Variants in FXYD6 observed in about 807,000 individuals in gnomAD.
The protein encoded by FXYD6 is FXYD domain-containing ion transport regulator 6.
FXYD6 carries 7 observed loss-of-function variants against 16.7 expected under a neutral mutation model. That is an observed-to-expected ratio of 0.42 (90% CI 0.24 to 0.79). FXYD6 has a LOEUF of 0.79. Among genes scored for constraint, FXYD6 ranks in the 30% least tolerant of loss-of-function variants. FXYD6 has a pLI of 0.28. For missense variants in FXYD6, 111 were observed against 116.2 expected (o/e 0.95, Z 0.21); for synonymous variants, 49 against 43.0 (o/e 1.14, Z -0.54).
chr11:117,847,604 A>G (rs1454275116), intron 1 of FXYD6, among the ~76,000 whole-genome samples: 1 of 147,292 alleles, frequency 6.8e-6, no homozygotes, highest in Non-Finnish European at 1.5e-5. Flanking sequence ...ATGAGTGAGA[A>G]CATGCGGTGT....
In FXYD6 at chr11:117,864,653, C is replaced by T. The variant is rs1043524995; in HGVS notation, c.-6+11939G>A. On this transcript the variant is annotated intron_variant, in intron 1 of 7. Transcript: ENST00000526014. ...CCAGGCTGGAGTGCAACGGCTCAAT[C>T]TCGGCTGACTGCAACCTCCACCTCC... is the stretch of plus-strand genomic sequence containing the variant. 7.9e-5 allele frequency among the ~76,000 whole-genome samples: 12 copies of T among 152,216 alleles called. No individual in the cohort carries two copies. In the South Asian group the frequency reaches 1.5e-3, roughly 18 times the overall value.
chr11:117,875,531 T>C (rs1001054945), intron 1 of FXYD6, among the ~76,000 whole-genome samples: 8 of 152,078 alleles, frequency 5.3e-5, no homozygotes, highest in African/African-American at 9.7e-5. Flanking sequence ...AAAGGCTAAG[T>C]TGCGGACGTA....
intron 1 of FXYD6, chr11:117,844,216 A>T (rs908430374): frequency 1.3e-5 from 2 of 152,480 alleles, no homozygotes; most frequent in African/African-American, 4.8e-5. Context: ...CCTTGATTCA[A>T]AAAGCCTTTA....
At chr11:117,867,850 A>G (rs1591592282) in intron 1 of FXYD6, among the ~76,000 whole-genome samples, 1 of 152,192 alleles carries the variant, frequency 6.6e-6, no homozygotes, top group African/African-American at 2.4e-5. Context: ...AAAAAAAAAG[A>G]AAGAAAGAAA....
Position 117,838,041 on chromosome 11 carries a change from TCACACACACA to T in FXYD6, c.*248_*257del, listed in dbSNP as rs57385031. 6.8e-6 allele frequency: 4 copies of T among 591,022 alleles called. No individual in the cohort carries two copies. Among genetic ancestry groups the T allele is most frequent in the East Asian group, 2.9e-5 (1 of 34,556 alleles). The allele number at this position is 591,022 out of a possible 1,614,324, so 36.6% of individuals were successfully genotyped here. ...GACCACAGTTAGCAAACACACACAG[TCACACACACA>T]CACACACACACACACATCACGGGAG... On this transcript the variant is annotated 3_prime_UTR_variant, in exon 8 of 8. Coordinates refer to ENST00000526014, the MANE Select transcript of FXYD6 (RefSeq NM_022003.4).
At chr11:117,859,206 G>A (rs1329236087) in intron 1 of FXYD6, among the ~76,000 whole-genome samples, 6 of 152,216 alleles carry the variant, frequency 3.9e-5, no homozygotes, top group East Asian at 3.9e-4. Context: ...TGTCCCGACC[G>A]CAGGTCCAGC....
In FXYD6 at chr11:117,851,487, C is replaced by G. The variant is rs117369552; in HGVS notation, c.-5-8706G>C. Among the ~76,000 whole-genome samples, 878 of 152,312 alleles carry G rather than the reference C, an allele frequency of 5.8e-3. 1 individual carries two copies. The highest frequency in any genetic ancestry group is 1.0e-2 in the Non-Finnish European group (680 of 68,020). ...CTTCATGAAAGACCTTGAGCCAGAACCACCCACTGAAGATTCTCCCTGATT... is the reference window on the plus strand; with the variant it reads ...CTTCATGAAAGACCTTGAGCCAGAAGCACCCACTGAAGATTCTCCCTGATT... On this transcript the variant is annotated intron_variant, in intron 1 of 7. Coordinates refer to ENST00000526014, the MANE Select transcript of FXYD6 (RefSeq NM_022003.4).
chr11:117,838,391 G>C (rs186041256), intron 7 of FXYD6, 114 bp from the exon 8 acceptor site: 4 of 687,720 alleles, frequency 5.8e-6, no homozygotes, highest in South Asian at 1.5e-5. Context: ...TGACAGCCTC[G>C]TCTGAGACGC....
intron 5 of FXYD6, 120 bp downstream of exon 5, chr11:117,841,028 A>G (rs1238335024): frequency 7.6e-7 from 1 of 1,319,898 alleles, no homozygotes; most frequent in East Asian, 2.4e-5. Flanking sequence ...GTCCCAACAC[A>G]CACGTTCTGC....
chr11:117,846,665 C>A (rs2056477951), intron 1 of FXYD6, among the ~76,000 whole-genome samples: 1 of 152,222 alleles, frequency 6.6e-6, no homozygotes, highest in African/African-American at 2.4e-5. Context: ...ACCTTTGTCA[C>A]ATATCTGATT....
Position 117,837,996 on chromosome 11 carries a change from C to T in FXYD6, c.*303G>A, listed in dbSNP as rs1361960604. Reference sequence around the variant, plus strand: ...GTTCACTAACAAACACAATACCATCCACAAACAAGTAGCCACAAAGACCAC... The same window carrying T: ...GTTCACTAACAAACACAATACCATCTACAAACAAGTAGCCACAAAGACCAC... On this transcript the variant is annotated 3_prime_UTR_variant, in exon 8 of 8. Transcript: ENST00000526014. The surrounding 1 kb of genome is among the most constrained non-coding windows in gnomAD (Gnocchi z 4.4). 5.0e-6 allele frequency: 3 copies of T among 595,270 alleles called. No homozygotes were observed. Among genetic ancestry groups the T allele is most frequent in the African/African-American group, 1.9e-5 (1 of 53,906 alleles). 36.9% of individuals were successfully genotyped at this position (595,270 alleles called of 1,614,324 possible). A position where few individuals can be genotyped will look rare whatever the true frequency, so the allele number is the denominator to read the frequency against.
intron 1 of FXYD6, among the ~76,000 whole-genome samples, chr11:117,867,324 C>T (rs79451173): frequency 2.0e-5 from 3 of 152,324 alleles, no homozygotes; most frequent in East Asian, 3.9e-4. Flanking sequence ...ACCAAGTTTC[C>T]GGGGCTTCCT....
chr11:117,875,804 C>T (rs2057247667), intron 1 of FXYD6, among the ~76,000 whole-genome samples: 3 of 152,194 alleles, frequency 2.0e-5, no homozygotes, highest in Admixed American at 2.0e-4. Flanking sequence ...TCCCAGCTCC[C>T]ACCCTCGGGT....
intron 1 of FXYD6, among the ~76,000 whole-genome samples, chr11:117,858,681 TTCTTTCTTTCTTTCTTTCTTTCTCTC>T (rs1341777394): frequency 3.4e-5 from 3 of 87,734 alleles, no homozygotes; most frequent in African/African-American, 1.5e-4. Flanking sequence ...CTTTCTTTCT[TTCTTTCTTTCTTTCTTTCTTTCTCTC>T]TCTCTCTCCT....
intron 1 of FXYD6, among the ~76,000 whole-genome samples, chr11:117,864,834 C>T (rs1385533091): frequency 6.6e-6 from 1 of 152,172 alleles, no homozygotes; most frequent in Non-Finnish European, 1.5e-5. Context: ...ATCCGCAGGC[C>T]TCGGCCTCCC....
chr11:117,854,193 A>C (rs2056672334), intron 1 of FXYD6, among the ~76,000 whole-genome samples: 1 of 152,214 alleles, frequency 6.6e-6, no homozygotes, highest in African/African-American at 2.4e-5. Flanking sequence ...ACAACACATT[A>C]AGGCCTTCAA....
intron 6 of FXYD6, chr11:117,840,099 C>A: frequency 6.1e-6 from 4 of 653,734 alleles, no homozygotes; most frequent in Admixed American, 2.7e-5. Context: ...GGGGTCTGTG[C>A]CTGGCACAAG....
At chr11:117,863,109 C>T (rs2056944454) in intron 1 of FXYD6, among the ~76,000 whole-genome samples, 1 of 152,166 alleles carries the variant, frequency 6.6e-6, no homozygotes, top group Admixed American at 6.5e-5. Context: ...AAAGGAGAGG[C>T]TCAGGCTTAT....
chr11:117,859,228 C>A (rs111712024), intron 1 of FXYD6, among the ~76,000 whole-genome samples: 4 of 152,226 alleles, frequency 2.6e-5, no homozygotes, highest in African/African-American at 9.6e-5. Flanking sequence ...ACACCCAGTT[C>A]GGCAGGACAC....
Sources: allele counts gnomAD v4.1 joint callset (sites outside exome capture counted in the v4.1 genomes callset), GRCh38; gene constraint gnomAD v4.1.1; non-coding constraint Gnocchi (gnomAD v3.1); transcripts MANE v1.5; gene names NCBI Gene and HGNC (gene_info 2026-07-23, HGNC 2026-07-21).